Variants in MISP observed in about 807,000 individuals in gnomAD.
MISP encodes mitotic interactor and substrate of PLK1.
MISP carries 51 observed loss-of-function variants against 49.3 expected under a neutral mutation model. The ratio of observed to expected loss-of-function variants is 1.03; its 90% CI spans 0.83 to 1.31. The LOEUF is 1.31. Ranked by LOEUF, MISP falls within the 50% of genes most tolerant of loss-of-function variation. The pLI is 0.00. For synonymous variants in MISP, 444 were observed against 392.6 expected, an observed-to-expected ratio of 1.13 and a Z score of -1.55; for missense variants, 1,084 against 935.1, an observed-to-expected ratio of 1.16 and a Z score of -2.08.
At chr19:762,387 G>A (rs1260550729) in intron 4 of MISP, among the ~76,000 whole-genome samples, 1 of 151,078 alleles carries the variant, frequency 6.6e-6, no homozygotes, top group Non-Finnish European at 1.5e-5. Context: ...CAAGTTGCTG[G>A]GATTACAGGC....
In MISP at chr19:758,543, G is replaced by A. The variant is rs758429619; in HGVS notation, c.1597G>A (p.Ala533Thr). The change falls in exon 2 of 5, where the codon GCC (alanine) becomes ACC (threonine). Residue 533 changes from alanine (A) to threonine (T), a missense_variant. Ala to Thr is a moderately conservative substitution (Grantham distance 58). Transcript: ENST00000215582. ...TGTCTGGGGCTGGGAGGTGGCTGGG[G>A]CCCCTGCACTGAGGCTGCAGAAGTC... ...PHVWGWEVAGAPALRLQKSQS... is the reference protein window; with the variant it reads ...PHVWGWEVAGTPALRLQKSQS... The A allele has an allele frequency of 1.2e-5, 20 of 1,614,172 alleles. No individual in the cohort carries two copies. The South Asian group carries it at 1.3e-4, about 11-fold the overall frequency.
rs2285696 is a variant in MISP at position 763,952 on chromosome 19, C to T, written c.*362C>T. 6,207 of 239,716 alleles carry T rather than the reference C, an allele frequency of 0.026. 244 individuals carry two copies. Among genetic ancestry groups the T allele is most frequent in the East Asian group, 0.17 (1,593 of 9,560 alleles). The allele number at this position is 239,716 out of a possible 1,614,324, so 14.8% of individuals were successfully genotyped here. On this transcript the variant is annotated 3_prime_UTR_variant, in exon 5 of 5. Transcript: ENST00000215582. ...TCCGCTAGTCTGAGGGCAGAGGGAC[C>T]GGTCAAAGAGGGTGGCACAGATCGC... is the stretch of plus-strand genomic sequence containing the variant.
In MISP at chr19:756,923, G is replaced by C. The variant is rs112164901; in HGVS notation, c.-24G>C. The stretch of plus-strand genomic sequence containing the variant: ...GAGGTCTCCACCCCACGGGAGGAAG[G>C]CTGAGGCCAAGACCCCGGAAGAGAT... On this transcript the variant is annotated 5_prime_UTR_variant, in exon 2 of 5. Transcript: ENST00000215582. 31,076 of 1,491,372 alleles carry C rather than the reference G, an allele frequency of 0.021. 372 individuals are homozygous for C. Among genetic ancestry groups the C allele is most frequent in the Non-Finnish European group, 0.025 (27,910 of 1,114,370 alleles). 92.4% of individuals were successfully genotyped at this position (1,491,372 alleles called of 1,614,324 possible).
At position 759,560 on chromosome 19, in the gene MISP, T is replaced by C. The variant is rs1440377267; in HGVS notation, c.1781-349T>C. On this transcript the variant is annotated intron_variant, in intron 2 of 4. Coordinates refer to ENST00000215582, the MANE Select transcript of MISP (RefSeq NM_173481.4). ...GACTACAGGCGCCTGCCTCCACGCC[T>C]GGCTAATTTTTTTGTATTTTTAGTA... Among the ~76,000 whole-genome samples, 7 of 152,094 alleles carry C rather than the reference T, an allele frequency of 4.6e-5. No individual in the cohort carries two copies. The East Asian group carries it at 1.4e-3, about 29-fold the overall frequency.
chr19:756,530 G>A (rs2033551666), intron 1 of MISP, among the ~76,000 whole-genome samples: 1 of 152,158 alleles, frequency 6.6e-6, no homozygotes, highest in African/African-American at 2.4e-5. Context: ...CAATCACAGA[G>A]GCCAGAAGGT....
In MISP at chr19:764,243, C is replaced by G. The variant is rs2033719491; in HGVS notation, c.*653C>G. The G allele has an allele frequency of 6.6e-6, 1 of 152,274 alleles. No individual in the cohort carries two copies. Among genetic ancestry groups the G allele is most frequent in the Admixed American group, 6.5e-5 (1 of 15,274 alleles). 9.4% of individuals were successfully genotyped at this position (152,274 alleles called of 1,614,324 possible). On this transcript the variant is annotated 3_prime_UTR_variant, in exon 5 of 5. Coordinates refer to ENST00000215582, the MANE Select transcript of MISP (RefSeq NM_173481.4). ...TCCCCTTCACCTGGGAGAAAAGTGA[C>G]CCAGTTTAGGAGCTGGAGGGGGGTC...
At chr19:755,260 A>T (rs1204779405) in intron 1 of MISP, among the ~76,000 whole-genome samples, 2 of 152,198 alleles carry the variant, frequency 1.3e-5, no homozygotes. Context: ...CGAGAGCCGG[A>T]AGGCACTGGG....
upstream of MISP, among the ~76,000 whole-genome samples, chr19:749,569 G>A (rs913058064): frequency 6.6e-6 from 1 of 152,152 alleles, no homozygotes; most frequent in Non-Finnish European, 1.5e-5. Context: ...CGTGGCTCGC[G>A]CCTGTAATCC....
chr19:761,700 C>A (rs538677153), intron 4 of MISP, 37 bp downstream of exon 4: 1 of 1,610,474 alleles, frequency 6.2e-7, no homozygotes, highest in Non-Finnish European at 8.5e-7. Flanking sequence ...TCAAGTCTTT[C>A]CCCCCCACAT....
At position 758,810 on chromosome 19, in the gene MISP, G is replaced by A. The variant is rs118082165; in HGVS notation, c.1780+84G>A. On this transcript the variant is annotated intron_variant, in intron 2 of 4. Transcript: ENST00000215582. Reference sequence around the variant, plus strand: ...GGAGGGTGGGGAGGTGGAGTTTGAGGCTGTCAAAGGGCTGGGGTTGGGGAG... The same window carrying A: ...GGAGGGTGGGGAGGTGGAGTTTGAGACTGTCAAAGGGCTGGGGTTGGGGAG... 807 of 1,185,632 alleles carry A rather than the reference G, an allele frequency of 6.8e-4. 1 individual carries two copies. The highest frequency in any genetic ancestry group is 9.0e-4 in the Non-Finnish European group (758 of 842,496). The allele number at this position is 1,185,632 out of a possible 1,614,324, so 73.4% of individuals were successfully genotyped here. A position where few individuals can be genotyped will look rare whatever the true frequency, so the allele number is the denominator to read the frequency against.
intron 1 of MISP, among the ~76,000 whole-genome samples, chr19:751,740 G>A (rs2033463148): frequency 6.6e-6 from 1 of 152,150 alleles, no homozygotes; most frequent in Non-Finnish European, 1.5e-5. Flanking sequence ...GGGATCCCGG[G>A]CAGCCAGCAG....
rs757062047 is a variant in MISP, at chr19:758,557, G to A, written c.1611G>A (p.Arg537=). Residue 537 remains arginine (R), a synonymous_variant, in exon 2 of 5, where the codon AGG becomes AGA. Transcript: ENST00000215582. ...GWEVAGAPAL[R]LQKSQSSDLL... is the part of the protein sequence containing the mutation. ...AGGTGGCTGGGGCCCCTGCACTGAGGCTGCAGAAGTCCCAGTCATCTGATC... is the reference window on the plus strand; with the variant it reads ...AGGTGGCTGGGGCCCCTGCACTGAGACTGCAGAAGTCCCAGTCATCTGATC... The A allele has an allele frequency of 1.9e-6, 3 of 1,614,218 alleles. No homozygotes were observed. Among genetic ancestry groups the A allele is most frequent in the South Asian group, 1.1e-5 (1 of 91,092 alleles).
At chr19:763,370 G>C in intron 4 of MISP, 131 bp from the exon 5 acceptor site, 1 of 653,470 alleles carries the variant, frequency 1.5e-6, no homozygotes, top group Non-Finnish European at 2.8e-6. Context: ...TAGGAGTAGA[G>C]GGTCTGAAAC....
Position 758,717 on chromosome 19 carries a change from C to T in MISP, c.1771C>T (p.Gln591Ter). 6.2e-7 allele frequency: 1 copy of T among 1,612,166 alleles called. No homozygotes were observed. Among genetic ancestry groups the T allele is most frequent in the Non-Finnish European group, 8.5e-7 (1 of 1,178,778 alleles). Residue 591 changes from glutamine to a stop codon, truncating the protein, a stop_gained, in exon 2 of 5, where the codon CAG becomes TAG. Coordinates refer to ENST00000215582, the MANE Select transcript of MISP (RefSeq NM_173481.4). LOFTEE classifies it high-confidence loss of function. ...TGACCAGAACTCCAGGAGCTCCTCC[C>T]AGGCATCCGGTGAGAAGGGGCTCCA... The part of the protein sequence containing the change: ...NSDQNSRSSS[Q>*]ASGITGSYSV...
Position 757,945 on chromosome 19 carries a change from G to C in MISP, c.999G>C (p.Lys333Asn). 1.3e-6 allele frequency: 2 copies of C among 1,598,600 alleles called. No homozygotes were observed. The highest frequency in any genetic ancestry group is 1.7e-5 in the Admixed American group (1 of 59,330). Residue 333 changes from lysine (K) to asparagine (N), a missense_variant, in exon 2 of 5, where the codon AAG (lysine) becomes AAC (asparagine). Physicochemically the swap from Lys to Asn is moderately conservative, Grantham distance 94. Transcript: ENST00000215582. ...VEIPTRPLLT[K>N]LSLITAPRRE... ...TCCCCACCAGGCCGCTGCTGACCAA[G>C]CTGAGCCTGATCACAGCCCCACGGC...
At chr19:761,376 T>A (rs557732341) in intron 3 of MISP, among the ~76,000 whole-genome samples, 172 of 151,882 alleles carry the variant, frequency 1.1e-3, no homozygotes, top group Non-Finnish European at 1.6e-3. Context: ...ATAAATAAAT[T>A]AATTAATTAA....
In MISP at chr19:757,853, C is replaced by A. The variant is rs776114682; in HGVS notation, c.907C>A (p.Arg303Ser). The A allele has an allele frequency of 6.2e-7, 1 of 1,611,384 alleles. No individual in the cohort carries two copies. Among genetic ancestry groups the A allele is most frequent in the Non-Finnish European group, 8.5e-7 (1 of 1,179,668 alleles). Reference sequence around the variant, plus strand: ...GCGGGAGATCCGTCTGGCTCAGGAGCGTGAGGCAGACCTGCGAGAGCAGAG... The same window carrying A: ...GCGGGAGATCCGTCTGGCTCAGGAGAGTGAGGCAGACCTGCGAGAGCAGAG... ...IEREIRLAQE[R>S]EADLREQRGL... Residue 303 changes from arginine to serine, a missense_variant, in exon 2 of 5, where the codon CGT (arginine) becomes AGT (serine). Physicochemically the swap from Arg to Ser is moderately radical, Grantham distance 110. Transcript: ENST00000215582.
At position 757,538 on chromosome 19, in the gene MISP, C is replaced by G. The variant is rs753800229; in HGVS notation, c.592C>G (p.Gln198Glu). Residue 198 changes from glutamine to glutamate, a missense_variant, in exon 2 of 5, where the codon CAG (glutamine) becomes GAG (glutamate). Gln to Glu is a conservative substitution (Grantham distance 29). Transcript: ENST00000215582. The part of the protein sequence containing the change: ...REQIDFLAAR[Q>E]QFLSLEQANK... ...GCAGATTGACTTCCTGGCAGCGAGA[C>G]AGCAGTTCCTGAGTCTGGAGCAGGC... is the stretch of plus-strand genomic sequence containing the variant. 1 of 1,612,030 alleles carries G rather than the reference C, an allele frequency of 6.2e-7. No homozygotes were observed. The highest frequency in any genetic ancestry group is 8.5e-7 in the Non-Finnish European group (1 of 1,179,356).
chr19:762,891 C>G (rs886295347), intron 4 of MISP, among the ~76,000 whole-genome samples: 2 of 151,936 alleles, frequency 1.3e-5, no homozygotes, highest in Non-Finnish European at 2.9e-5. Flanking sequence ...AGGCTGGTCT[C>G]GAATTCCTGC....
Sources: allele counts gnomAD v4.1 joint callset (sites outside exome capture counted in the v4.1 genomes callset), GRCh38; gene constraint gnomAD v4.1.1; transcripts MANE v1.5; gene names NCBI Gene and HGNC (gene_info 2026-07-23, HGNC 2026-07-21).